Variants in BMP7 observed in about 807,000 individuals in gnomAD.
The protein encoded by BMP7 is bone morphogenetic protein 7, also known as osteogenic protein 1.
Under a neutral mutation model 41.2 loss-of-function variants are expected in BMP7, and 12 were observed. The observed-to-expected ratio is 0.29, with a 90% CI of 0.19 to 0.47. BMP7 has a LOEUF of 0.47. BMP7 is among the 20% of genes least tolerant of loss of function. The probability of loss-of-function intolerance (pLI) is 0.99; values close to 1 mark genes in which losing one functional copy is unlikely to be tolerated. For synonymous variants in BMP7, 248 were observed against 250.0 expected, an observed-to-expected ratio of 0.99 and a Z score of 0.07; for missense variants, 467 against 606.0, an observed-to-expected ratio of 0.77 and a Z score of 2.41.
chr20:57,221,870 G>A (rs1217921259), intron 2 of BMP7, among the ~76,000 whole-genome samples: 1 of 151,828 alleles, frequency 6.6e-6, no homozygotes, highest in African/African-American at 2.4e-5. Context: ...CTCCATGGGG[G>A]GTTGTTGTGG....
At chr20:57,251,086 C>A (rs759118857) in intron 1 of BMP7, among the ~76,000 whole-genome samples, 11 of 152,222 alleles carry the variant, frequency 7.2e-5, no homozygotes, top group Non-Finnish European at 2.9e-5. Context: ...AGGCAGGTCC[C>A]GTGCACGGTG....
At chr20:57,186,365 G>C (rs1984211899) in intron 3 of BMP7, among the ~76,000 whole-genome samples, 1 of 152,224 alleles carries the variant, frequency 6.6e-6, no homozygotes, top group Non-Finnish European at 1.5e-5. Context: ...CGTGTCCGTT[G>C]CTCTGCAGAT....
rs146891608 is a variant in BMP7 at position 57,261,947 on chromosome 20, T to G, written c.418+3758A>C. Among the ~76,000 whole-genome samples, 20 of 152,348 alleles carry G rather than the reference T, an allele frequency of 1.3e-4. No individual in the cohort carries two copies. The highest frequency in any genetic ancestry group is 4.8e-4 in the African/African-American group (20 of 41,584). ...AGATGGCATAAAGCAAAAATCAAAC[T>G]GCACGGCCTTCTCCCTACTCTTCAG... is the stretch of plus-strand genomic sequence containing the variant. On this transcript the variant is annotated intron_variant, in intron 1 of 6. Transcript: ENST00000395863. This position sits in a 1 kb window ranked among gnomAD's most constrained non-coding sequence, Gnocchi z 4.1.
At chr20:57,250,997 A>C (rs141942069) in intron 1 of BMP7, among the ~76,000 whole-genome samples, 4,559 of 152,264 alleles carry the variant, frequency 0.03, 88 homozygotes, top group Non-Finnish European at 0.041. Context: ...CACCGTGCCC[A>C]CTGCCTGCTC....
intron 1 of BMP7, among the ~76,000 whole-genome samples, chr20:57,256,094 C>T (rs953702680): frequency 1.3e-5 from 2 of 152,156 alleles, no homozygotes; most frequent in Admixed American, 1.3e-4. Context: ...GTTGTTGAAC[C>T]AATTGAGTAC....
chr20:57,265,287 A>G (rs908522046), intron 1 of BMP7, among the ~76,000 whole-genome samples: 2 of 152,152 alleles, frequency 1.3e-5, no homozygotes, highest in African/African-American at 4.8e-5. Flanking sequence ...TGCCAGAGCC[A>G]GGCAGGGCTG....
chr20:57,182,063 T>A (rs770225109), intron 4 of BMP7, among the ~76,000 whole-genome samples: 1 of 152,030 alleles, frequency 6.6e-6, no homozygotes, highest in Non-Finnish European at 1.5e-5. Context: ...CGGGATGGGA[T>A]TGGGGATGGG....
At chr20:57,251,523 G>A (rs1018981939) in intron 1 of BMP7, among the ~76,000 whole-genome samples, 1 of 152,170 alleles carries the variant, frequency 6.6e-6, no homozygotes, top group Non-Finnish European at 1.5e-5. Flanking sequence ...TCTTCCGAGG[G>A]GACATCCTTT....
At chr20:57,209,850 G>T (rs534637859) in intron 2 of BMP7, among the ~76,000 whole-genome samples, 115 of 152,254 alleles carry the variant, frequency 7.6e-4, no homozygotes, top group Non-Finnish European at 1.4e-3. Flanking sequence ...AATTTAGTAA[G>T]CATGCCCTAT....
Position 57,261,109 on chromosome 20 carries a change from A to T in BMP7, c.418+4596T>A, listed in dbSNP as rs575861772. On this transcript the variant is annotated intron_variant, in intron 1 of 6. Coordinates refer to ENST00000395863, the MANE Select transcript of BMP7 (RefSeq NM_001719.3). This position sits in a 1 kb window ranked among gnomAD's most constrained non-coding sequence, Gnocchi z 4.1. Reference sequence around the variant, plus strand: ...GGAATGAAGTCACCAGTTGTCTCTGAGTTCAGCGGACACGTGATATTCACT... The same window carrying T: ...GGAATGAAGTCACCAGTTGTCTCTGTGTTCAGCGGACACGTGATATTCACT... Among the ~76,000 whole-genome samples the T allele has an allele frequency of 4.6e-4, 70 of 152,306 alleles. No individual in the cohort carries two copies. The highest frequency in any genetic ancestry group is 1.6e-3 in the African/African-American group (68 of 41,562).
chr20:57,212,053 T>C (rs960794187), intron 2 of BMP7, among the ~76,000 whole-genome samples: 1 of 151,988 alleles, frequency 6.6e-6, no homozygotes, highest in African/African-American at 2.4e-5. Context: ...CAGCCAGAGA[T>C]GGAGCTCCGG....
chr20:57,245,934 G>A (rs1473384942), intron 1 of BMP7, among the ~76,000 whole-genome samples: 1 of 152,110 alleles, frequency 6.6e-6, no homozygotes, highest in Non-Finnish European at 1.5e-5. Flanking sequence ...CAGCATGCCC[G>A]GCCATGGTTA....
In BMP7 at chr20:57,202,635, G is replaced by C; in HGVS notation, c.612-12C>G. The C allele has an allele frequency of 6.3e-7, 1 of 1,589,794 alleles. No homozygotes were observed. Among genetic ancestry groups the C allele is most frequent in the Non-Finnish European group, 8.6e-7 (1 of 1,167,306 alleles). On this transcript the variant is annotated splice_polypyrimidine_tract_variant and intron_variant, in intron 2 of 6. Coordinates refer to ENST00000395863, the MANE Select transcript of BMP7 (RefSeq NM_001719.3). ...AGAGATCCGATTCCCTGCGAGAGAG[G>C]AGGAGAGACACGGGCTTCGCGTTAG...
chr20:57,238,569 G>A (rs1054309559), intron 1 of BMP7, among the ~76,000 whole-genome samples: 18 of 152,136 alleles, frequency 1.2e-4, no homozygotes, highest in South Asian at 4.2e-4. Flanking sequence ...CCTTCCCGCC[G>A]GCAGTCGGGA....
chr20:57,202,040 C>T (rs1197104605), intron 3 of BMP7, among the ~76,000 whole-genome samples: 1 of 152,192 alleles, frequency 6.6e-6, no homozygotes. Flanking sequence ...CTGGGAGATG[C>T]TACTAGCATC....
chr20:57,238,362 G>T (rs1019986516), intron 1 of BMP7, among the ~76,000 whole-genome samples: 1 of 152,200 alleles, frequency 6.6e-6, no homozygotes, highest in Non-Finnish European at 1.5e-5. Context: ...ATCCCTGAAT[G>T]GTATGCAGCT....
At chr20:57,250,323 TTATATAA>T (rs200380206) in intron 1 of BMP7, among the ~76,000 whole-genome samples, 1 of 145,358 alleles carries the variant, frequency 6.9e-6, no homozygotes, top group Non-Finnish European at 1.5e-5. Flanking sequence ...ATAAATATAT[TTATATAA>T]TATATAATAT....
At chr20:57,235,084 C>T (rs558842110) in intron 1 of BMP7, among the ~76,000 whole-genome samples, 94 of 152,362 alleles carry the variant, frequency 6.2e-4, no homozygotes, top group African/African-American at 2.1e-3. Flanking sequence ...CCCAATACCA[C>T]GGACTGGCTC....
intron 1 of BMP7, among the ~76,000 whole-genome samples, chr20:57,245,781 G>C (rs762584654): frequency 1.3e-5 from 2 of 151,836 alleles, no homozygotes; most frequent in Non-Finnish European, 2.9e-5. Context: ...TGCGATTACA[G>C]GCGCCCGCCA....
Sources: allele counts gnomAD v4.1 joint callset (sites outside exome capture counted in the v4.1 genomes callset), GRCh38; gene constraint gnomAD v4.1.1; non-coding constraint Gnocchi (gnomAD v3.1); transcripts MANE v1.5; gene names NCBI Gene and HGNC (gene_info 2026-07-23, HGNC 2026-07-21).